Variants in ACOX3 observed in about 807,000 individuals in gnomAD.
ACOX3 encodes the protein peroxisomal acyl-coenzyme A oxidase 3.
In ACOX3, 73 loss-of-function variants were observed where a neutral mutation model predicts 81.5. That is an observed-to-expected ratio of 0.90 (90% CI 0.74 to 1.09). The LOEUF is 1.09. Among genes scored for constraint, ACOX3 ranks in the 50% least tolerant of loss-of-function variants. ACOX3 has a pLI of 0.00. For synonymous variants in ACOX3, 387 were observed against 375.1 expected (o/e 1.03, Z -0.37); for missense variants, 947 against 928.0 (o/e 1.02, Z -0.27).
At position 8,382,303 on chromosome 4, in the gene ACOX3, G is replaced by A. The variant is rs533523649; in HGVS notation, c.1538-696C>T. Among the ~76,000 whole-genome samples the A allele has an allele frequency of 1.1e-4, 17 of 152,190 alleles. No homozygotes were observed. The highest frequency in any genetic ancestry group is 6.3e-3 in the Middle Eastern group (2 of 316). ...CCCTGGCAGTGGTGCCCACATCTGCGGGGCCCCCCACAGCACAGCCAGAGC... is the reference window on the plus strand; with the variant it reads ...CCCTGGCAGTGGTGCCCACATCTGCAGGGCCCCCCACAGCACAGCCAGAGC... On this transcript the variant is annotated intron_variant, in intron 13 of 17. Coordinates refer to ENST00000356406, the MANE Select transcript of ACOX3 (RefSeq NM_003501.3). This position sits in a 1 kb window ranked among gnomAD's most constrained non-coding sequence, Gnocchi z 4.1.
chr4:8,400,825 G>T lies in ACOX3; in HGVS notation c.777-1173C>A, dbSNP rs762415059. 6.6e-6 allele frequency among the ~76,000 whole-genome samples: 1 copy of T among 152,154 alleles called. No individual in the cohort carries two copies. The highest frequency in any genetic ancestry group is 2.4e-5 in the African/African-American group (1 of 41,434). On this transcript the variant is annotated intron_variant, in intron 7 of 17. Transcript: ENST00000356406. This position sits in a 1 kb window ranked among gnomAD's most constrained non-coding sequence, Gnocchi z 4.4. ...GGAAGACAATTTTTCCACGAATGAG[G>T]GGGAGGTGGGAGTGGTTTCGGGATG...
chr4:8,389,509 C>T lies in ACOX3; in HGVS notation c.1423+103G>A. ...AATAACATTTCTTTCCTTCTGCAAA[C>T]CTAGGATGCATTCACAGAACAGCTG... On this transcript the variant is annotated intron_variant, in intron 12 of 17. Transcript: ENST00000356406. The surrounding 1 kb of genome is among the most constrained non-coding windows in gnomAD (Gnocchi z 5.3). 1 of 1,553,230 alleles carries T rather than the reference C, an allele frequency of 6.4e-7. No homozygotes were observed. Among genetic ancestry groups the T allele is most frequent in the Non-Finnish European group, 8.8e-7 (1 of 1,138,254 alleles).
intron 14 of ACOX3, among the ~76,000 whole-genome samples, chr4:8,376,473 A>ACAGCAGGGTGAAGCACACGG (rs1716981530): frequency 6.6e-6 from 1 of 152,134 alleles, no homozygotes; most frequent in African/African-American, 2.4e-5. Context: ...TTCCCAGAAC[A>ACAGCAGGGTGAAGCACACGG]CAGCAGGGTG....
intron 1 of ACOX3, among the ~76,000 whole-genome samples, chr4:8,420,611 C>T (rs989772286): frequency 2.0e-5 from 3 of 152,214 alleles, no homozygotes; most frequent in South Asian, 2.1e-4. Flanking sequence ...CCCAGGCATT[C>T]GAGCCAGATC....
chr4:8,424,818 T>A (rs1723299210), intron 1 of ACOX3, among the ~76,000 whole-genome samples: 1 of 152,188 alleles, frequency 6.6e-6, no homozygotes, highest in Non-Finnish European at 1.5e-5. Flanking sequence ...CCTTGACTGA[T>A]CCCGACCTCA....
At chr4:8,409,320 G>A (rs1721413189) in intron 6 of ACOX3, among the ~76,000 whole-genome samples, 2 of 152,240 alleles carry the variant, frequency 1.3e-5, no homozygotes, top group Admixed American at 1.3e-4. Context: ...ACATTGGGCT[G>A]GATGTTTCTT....
intron 11 of ACOX3, among the ~76,000 whole-genome samples, chr4:8,391,234 T>C (rs1718961817): frequency 6.6e-6 from 1 of 152,194 alleles, no homozygotes; most frequent in Non-Finnish European, 1.5e-5. Flanking sequence ...TGTACAGCCA[T>C]GGCTACCCGC....
Position 8,419,614 on chromosome 4 carries a change from T to C in ACOX3, c.-14-3079A>G, listed in dbSNP as rs965273567. ...TGGAGTGACCACATGACTCAGCAAT[T>C]CCACTCTGAGGTATGTACGCAAGAG... On this transcript the variant is annotated intron_variant, in intron 1 of 17. Coordinates refer to ENST00000356406, the MANE Select transcript of ACOX3 (RefSeq NM_003501.3). This position sits in a 1 kb window ranked among gnomAD's most constrained non-coding sequence, Gnocchi z 4.2. Among the ~76,000 whole-genome samples the C allele has an allele frequency of 6.6e-6, 1 of 152,042 alleles. No homozygotes were observed. The highest frequency in any genetic ancestry group is 3.2e-3 in the Middle Eastern group (1 of 316).
In ACOX3 at chr4:8,398,713, C is replaced by T. The variant is rs368383383; in HGVS notation, c.873+843G>A. Among the ~76,000 whole-genome samples the T allele has an allele frequency of 2.6e-5, 4 of 152,122 alleles. No homozygotes were observed. In the East Asian group the frequency reaches 7.7e-4, roughly 29 times the overall value. ...CTGGTCTGGAACTCCTGGGCTCAAG[C>T]GATCTGCCCACTTTGGCCTCCCACA... On this transcript the variant is annotated intron_variant, in intron 8 of 17. Coordinates refer to ENST00000356406, the MANE Select transcript of ACOX3 (RefSeq NM_003501.3).
chr4:8,421,118 A>T (rs1722894485), intron 1 of ACOX3, among the ~76,000 whole-genome samples: 1 of 152,254 alleles, frequency 6.6e-6, no homozygotes, highest in African/African-American at 2.4e-5. Context: ...GCAAACACTC[A>T]TCGGTAACAT....
chr4:8,421,955 A>T (rs1285637457), intron 1 of ACOX3, among the ~76,000 whole-genome samples: 4 of 152,246 alleles, frequency 2.6e-5, no homozygotes, highest in Non-Finnish European at 5.9e-5. Flanking sequence ...CTTAGAATTG[A>T]TGACCCAGTA....
rs970916985 is a variant in ACOX3 at position 8,370,548 on chromosome 4, G to A, written c.1983+360C>T. Among the ~76,000 whole-genome samples, 2 of 151,576 alleles carry A rather than the reference G, an allele frequency of 1.3e-5. No homozygotes were observed. The highest frequency in any genetic ancestry group is 2.9e-5 in the Non-Finnish European group (2 of 67,872). ...TGGGGGAAGAGGCCTGCAGGGCCAG[G>A]AGCATGGTCAGATGGGGGTAAGACC... On this transcript the variant is annotated intron_variant, in intron 17 of 17. Transcript: ENST00000356406. This position sits in a 1 kb window ranked among gnomAD's most constrained non-coding sequence, Gnocchi z 6.3.
chr4:8,400,777 T>C lies in ACOX3; in HGVS notation c.777-1125A>G, dbSNP rs183694658. Among the ~76,000 whole-genome samples the C allele has an allele frequency of 5.3e-5, 8 of 152,292 alleles. No individual in the cohort carries two copies. The East Asian group carries it at 1.4e-3, about 26-fold the overall frequency. On this transcript the variant is annotated intron_variant, in intron 7 of 17. Transcript: ENST00000356406. This position sits in a 1 kb window ranked among gnomAD's most constrained non-coding sequence, Gnocchi z 4.4. ...CTTAGGGCAGCAGTCCGCAACCTTT[T>C]TGGCACCAGGGACCGGTTTTATGGA...
At position 8,432,116 on chromosome 4, in the gene ACOX3, C is replaced by T. The variant is rs149125917; in HGVS notation, c.-15+8532G>A. ...CACCTCACTTCCCCTAGTCACATCA[C>T]ATTAAGTGGTAGGCAGCTGAAAACG... is the stretch of plus-strand genomic sequence containing the variant. On this transcript the variant is annotated intron_variant, in intron 1 of 17. Transcript: ENST00000356406. This position sits in a 1 kb window ranked among gnomAD's most constrained non-coding sequence, Gnocchi z 6.2. Among the ~76,000 whole-genome samples, 1 of 152,224 alleles carries T rather than the reference C, an allele frequency of 6.6e-6. No individual in the cohort carries two copies. Among genetic ancestry groups the T allele is most frequent in the South Asian group, 2.1e-4 (1 of 4,830 alleles).
intron 1 of ACOX3, among the ~76,000 whole-genome samples, chr4:8,417,493 C>G (rs1722467153): frequency 6.6e-6 from 1 of 152,160 alleles, no homozygotes; most frequent in African/African-American, 2.4e-5. Flanking sequence ...CTACTGCCCC[C>G]CATGAAAGAT....
Position 8,381,615 on chromosome 4 carries a change from A to G in ACOX3, c.1538-8T>C. The G allele has an allele frequency of 6.3e-7, 1 of 1,598,798 alleles. No homozygotes were observed. The highest frequency in any genetic ancestry group is 8.6e-7 in the Non-Finnish European group (1 of 1,167,034). ...TGTATGCTGCCAGGGCGACTTCGGA[A>G]TGACAAACAGAAGGAGAAAAAGTAA... On this transcript the variant is annotated splice_region_variant and splice_polypyrimidine_tract_variant and intron_variant, in intron 13 of 17. Transcript: ENST00000356406. The surrounding 1 kb of genome is among the most constrained non-coding windows in gnomAD (Gnocchi z 4.3).
chr4:8,406,722 A>T lies in ACOX3; in HGVS notation c.688-679T>A, dbSNP rs1253841682. Reference sequence around the variant, plus strand: ...AGAGAGAGAGAGGAGACAGAGAGAAAGACAGCTTACGCCATTATTTCTGCT... The same window carrying T: ...AGAGAGAGAGAGGAGACAGAGAGAATGACAGCTTACGCCATTATTTCTGCT... On this transcript the variant is annotated intron_variant, in intron 6 of 17. Coordinates refer to ENST00000356406, the MANE Select transcript of ACOX3 (RefSeq NM_003501.3). The surrounding 1 kb of genome is among the most constrained non-coding windows in gnomAD (Gnocchi z 5.6). Among the ~76,000 whole-genome samples the T allele has an allele frequency of 6.6e-6, 1 of 152,202 alleles. No individual in the cohort carries two copies. Among genetic ancestry groups the T allele is most frequent in the Non-Finnish European group, 1.5e-5 (1 of 68,028 alleles).
At position 8,406,205 on chromosome 4, in the gene ACOX3, G is replaced by A. The variant is rs534833454; in HGVS notation, c.688-162C>T. Among the ~76,000 whole-genome samples the A allele has an allele frequency of 2.4e-4, 36 of 152,306 alleles. No individual in the cohort carries two copies. The highest frequency in any genetic ancestry group is 8.2e-4 in the African/African-American group (34 of 41,570). On this transcript the variant is annotated intron_variant, in intron 6 of 17. Transcript: ENST00000356406. The surrounding 1 kb of genome is among the most constrained non-coding windows in gnomAD (Gnocchi z 5.6). ...TGATACATCCAAGTCCTAACCCCAG[G>A]ACCTGGGAATGGAAGCTTATTTGGA... is the stretch of plus-strand genomic sequence containing the variant.
chr4:8,419,279 C>G lies in ACOX3; in HGVS notation c.-14-2744G>C, dbSNP rs1053162388. ...TGAAACCTCATCTCTACTAAAAATACAAAAAAATTAGCCGGGCATGGTGGC... is the reference window on the plus strand; with the variant it reads ...TGAAACCTCATCTCTACTAAAAATAGAAAAAAATTAGCCGGGCATGGTGGC... On this transcript the variant is annotated intron_variant, in intron 1 of 17. Transcript: ENST00000356406. The surrounding 1 kb of genome is among the most constrained non-coding windows in gnomAD (Gnocchi z 4.2). 6.0e-5 allele frequency among the ~76,000 whole-genome samples: 9 copies of G among 150,770 alleles called. No individual in the cohort carries two copies. Among genetic ancestry groups the G allele is most frequent in the African/African-American group, 2.2e-4 (9 of 40,986 alleles).
Sources: gnomAD v4.1 joint callset for allele counts (sites outside exome capture counted in the v4.1 genomes callset) on GRCh38, gnomAD v4.1.1 for gene constraint, Gnocchi (gnomAD v3.1) non-coding constraint, MANE v1.5 for transcripts, NCBI Gene and HGNC (gene_info 2026-07-23, HGNC 2026-07-21) for gene names.